Variants in IRAK3 observed in about 807,000 individuals in gnomAD.
IRAK3 encodes the protein interleukin 1 receptor associated kinase 3, also known as interleukin-1 receptor-associated kinase 3.
Under a neutral mutation model 56.6 loss-of-function variants are expected in IRAK3, and 57 were observed. The ratio of observed to expected loss-of-function variants is 1.01; its 90% CI spans 0.81 to 1.26. The LOEUF is 1.26. Among genes scored for constraint, IRAK3 ranks in the 50% most tolerant of loss-of-function variants. IRAK3 has a pLI of 0.00. For synonymous variants in IRAK3, 258 were observed against 255.7 expected (o/e 1.01, Z -0.09); for missense variants, 703 against 719.0 (o/e 0.98, Z 0.25).
At chr12:66,228,708 T>C (rs1337955242) in intron 8 of IRAK3, among the ~76,000 whole-genome samples, 2 of 152,242 alleles carry the variant, frequency 1.3e-5, no homozygotes, top group Non-Finnish European at 2.9e-5. Flanking sequence ...AAAAGTGATA[T>C]GTATTATGTA....
intron 8 of IRAK3, among the ~76,000 whole-genome samples, chr12:66,235,592 G>C (rs1404726802): frequency 6.6e-6 from 1 of 151,880 alleles, no homozygotes; most frequent in South Asian, 2.1e-4. Context: ...CTCTCCCGGC[G>C]GCAGCGGAGG....
chr12:66,217,095 G>A, intron 5 of IRAK3, 76 bp from the exon 6 acceptor site: 1 of 1,009,360 alleles, frequency 9.9e-7, no homozygotes, highest in Non-Finnish European at 1.6e-6. Flanking sequence ...AATTTAGGGA[G>A]ACTATAGACC....
At chr12:66,204,816 ACAC>A (rs1479113867) in intron 2 of IRAK3, among the ~76,000 whole-genome samples, 1 of 142,902 alleles carries the variant, frequency 7.0e-6, no homozygotes, top group African/African-American at 2.6e-5. Context: ...ACACACACAC[ACAC>A]AAGGAATCCT....
intron 11 of IRAK3, 89 bp from the exon 12 acceptor site, chr12:66,247,606 A>G: frequency 1.2e-6 from 1 of 859,638 alleles, no homozygotes; most frequent in South Asian, 1.4e-5. Flanking sequence ...ATGAAAATGA[A>G]AGAATATTCT....
intron 2 of IRAK3, among the ~76,000 whole-genome samples, chr12:66,206,057 C>T (rs140642365): frequency 2.6e-5 from 4 of 152,186 alleles, no homozygotes; most frequent in East Asian, 1.9e-4. Context: ...ACACAAAATT[C>T]GCAGCTTTCT....
At position 66,245,256 on chromosome 12, in the gene IRAK3, G is replaced by A. The variant is rs1019907524; in HGVS notation, c.1308G>A (p.Met436Ile). The A allele has an allele frequency of 3.7e-6, 6 of 1,613,974 alleles. No homozygotes were observed. The highest frequency in any genetic ancestry group is 5.1e-6 in the Non-Finnish European group (6 of 1,180,006). The change falls in exon 11 of 12, where the codon ATG becomes ATA. Residue 436 changes from methionine (M) to isoleucine (I), a missense_variant. Met to Ile is a conservative substitution (Grantham distance 10, BLOSUM62 1). Coordinates refer to ENST00000261233, the MANE Select transcript of IRAK3 (RefSeq NM_007199.3). ...CGCGGGCAAAGTTAAGACCATCAAT[G>A]GATGAAGTGAGTATATACATGGTTT... ...AATRAKLRPSMDEVLNTLEST... is the reference protein window; with the variant it reads ...AATRAKLRPSIDEVLNTLEST...
chr12:66,230,636 T>C (rs1282998315), intron 8 of IRAK3, among the ~76,000 whole-genome samples: 1 of 135,064 alleles, frequency 7.4e-6, no homozygotes, highest in Non-Finnish European at 1.6e-5. Flanking sequence ...AACCAGAGCC[T>C]CCCTGGAACC....
chr12:66,249,034 C>T lies in IRAK3; in HGVS notation c.*863C>T, dbSNP rs897751363. Reference sequence around the variant, plus strand: ...TACCAATCATCAGAGCTCTACAAAACAGCCACCTCCTGGAAGCTTCCCTAA... The same window carrying T: ...TACCAATCATCAGAGCTCTACAAAATAGCCACCTCCTGGAAGCTTCCCTAA... On this transcript the variant is annotated 3_prime_UTR_variant, in exon 12 of 12. Transcript: ENST00000261233. The T allele has an allele frequency of 3.0e-4, 45 of 152,364 alleles. No homozygotes were observed. Among genetic ancestry groups the T allele is most frequent in the African/African-American group, 1.0e-3 (42 of 41,574 alleles). 9.4% of individuals were successfully genotyped at this position (152,364 alleles called of 1,614,324 possible).
chr12:66,210,079 T>A lies in IRAK3; in HGVS notation c.382-68T>A, dbSNP rs996186291. 66 of 1,017,432 alleles carry A rather than the reference T, an allele frequency of 6.5e-5. 2 individuals are homozygous for A. The East Asian group carries it at 1.6e-3, about 24-fold the overall frequency. 63.0% of individuals were successfully genotyped at this position (1,017,432 alleles called of 1,614,324 possible). A position where few individuals can be genotyped will look rare whatever the true frequency, so the allele number is the denominator to read the frequency against. On this transcript the variant is annotated intron_variant, in intron 3 of 11. Transcript: ENST00000261233. ...CATAGTCCCCAGGGAGCTTTGGATT[T>A]GTGTTGAGGCTCTGTTCTTTCTAGA...
Position 66,189,372 on chromosome 12 carries a change from C to CTCGGAGAGCTCTGCGCTGT in IRAK3, c.76_94dup (p.Leu32ArgfsTer34). 1 of 1,529,960 alleles carries CTCGGAGAGCTCTGCGCTGT rather than the reference C, an allele frequency of 6.5e-7. No homozygotes were observed. Among genetic ancestry groups the CTCGGAGAGCTCTGCGCTGT allele is most frequent in the African/African-American group, 1.4e-5 (1 of 72,788 alleles). 94.8% of individuals were successfully genotyped at this position (1,529,960 alleles called of 1,614,324 possible). A position where few individuals can be genotyped will look rare whatever the true frequency, so the allele number is the denominator to read the frequency against. ...GCTGTTCGACCTGCCGCCCGCGCTGCTCGGAGAGCTCTGCGCTGTTCTGGA... is the reference window on the plus strand; with the variant it reads ...GCTGTTCGACCTGCCGCCCGCGCTGCTCGGAGAGCTCTGCGCTGTTCGGAGAGCTCTGCGCTGTTCTGGA... On this transcript the variant is annotated frameshift_variant, in exon 1 of 12. Coordinates refer to ENST00000261233, the MANE Select transcript of IRAK3 (RefSeq NM_007199.3). LOFTEE classifies it high-confidence loss of function.
intron 1 of IRAK3, among the ~76,000 whole-genome samples, chr12:66,202,824 A>G (rs1393790317): frequency 1.3e-5 from 2 of 151,742 alleles, no homozygotes; most frequent in African/African-American, 2.4e-5. Context: ...AAATAAAAAT[A>G]AAAGGAAAAA....
chr12:66,208,780 C>G (rs1250541069), intron 2 of IRAK3, among the ~76,000 whole-genome samples: 2 of 141,430 alleles, frequency 1.4e-5, no homozygotes, highest in Non-Finnish European at 3.1e-5. Context: ...AGAAAAAAGG[C>G]CCAGTGTGGT....
chr12:66,197,542 G>A (rs2052466626), intron 1 of IRAK3: 1 of 985,306 alleles, frequency 1.0e-6, no homozygotes, highest in Non-Finnish European at 1.2e-6. Context: ...TAAGGTTGCA[G>A]TGTGAATCAC....
chr12:66,239,934 C>CT lies in IRAK3; in HGVS notation c.888-4552_888-4551insT, dbSNP rs145144960. On this transcript the variant is annotated intron_variant, in intron 8 of 11. Transcript: ENST00000261233. ...TGGAAAATACGTTTGCCCAGAACTT[C>CT]CTGGAACTATTTGAAACTCAGCCAA... is the stretch of plus-strand genomic sequence containing the variant. Among the ~76,000 whole-genome samples the CT allele has an allele frequency of 1.6e-3, 250 of 152,246 alleles. 1 individual carries two copies. Among genetic ancestry groups the CT allele is most frequent in the African/African-American group, 5.7e-3 (235 of 41,524 alleles).
chr12:66,216,490 A>G (rs2052678318), intron 5 of IRAK3, among the ~76,000 whole-genome samples: 1 of 152,184 alleles, frequency 6.6e-6, no homozygotes, highest in Non-Finnish European at 1.5e-5. Flanking sequence ...GGTGAGACCT[A>G]GGAGCATACT....
chr12:66,229,200 T>C (rs1423112836), intron 8 of IRAK3, among the ~76,000 whole-genome samples: 1 of 152,198 alleles, frequency 6.6e-6, no homozygotes, highest in Non-Finnish European at 1.5e-5. Flanking sequence ...TATATTAACC[T>C]ATGACAAGCT....
intron 1 of IRAK3, among the ~76,000 whole-genome samples, chr12:66,200,593 CTT>C (rs1164106118): frequency 6.6e-6 from 1 of 152,140 alleles, no homozygotes; most frequent in African/African-American, 2.4e-5. Context: ...ATTGTGAACA[CTT>C]TCAATTTTCA....
intron 5 of IRAK3, among the ~76,000 whole-genome samples, chr12:66,211,805 G>A (rs1318136129): frequency 6.6e-6 from 1 of 152,170 alleles, no homozygotes. Context: ...ATCCCCAGAT[G>A]TTATAGCATG....
chr12:66,248,169 T>A lies in IRAK3; in HGVS notation c.1789T>A (p.Ter597LysextTer16), dbSNP rs1358122294. The stretch of plus-strand genomic sequence containing the variant: ...TGAATATGAACAGTACAAAAAAGAA[T>A]AAATTCTACCAGAAGATAAAGAAAA... ...WDEYEQYKKE[*>K] The change falls in exon 12 of 12, where the codon TAA becomes AAA. Residue 597 changes from the stop codon to lysine, a stop_lost. Transcript: ENST00000261233. The A allele has an allele frequency of 1.2e-6, 2 of 1,608,896 alleles. No homozygotes were observed. Among genetic ancestry groups the A allele is most frequent in the South Asian group, 2.2e-5 (2 of 90,910 alleles).
Sources: gnomAD v4.1 joint callset for allele counts (sites outside exome capture counted in the v4.1 genomes callset) on GRCh38, gnomAD v4.1.1 for gene constraint, MANE v1.5 for transcripts, NCBI Gene and HGNC (gene_info 2026-07-23, HGNC 2026-07-21) for gene names.